KLRF2: variants seen among roughly 807,000 people sequenced by gnomAD.
The protein encoded by KLRF2 is killer cell lectin like receptor F2.
In KLRF2, 28 loss-of-function variants were observed where a neutral mutation model predicts 25.3. The ratio of observed to expected loss-of-function variants is 1.11; its 90% CI spans 0.82 to 1.52. The LOEUF is 1.52. Among genes scored for constraint, KLRF2 ranks in the 40% most tolerant of loss-of-function variants. The pLI is 0.00. For missense variants in KLRF2, 265 were observed against 245.8 expected (o/e 1.08, Z -0.52); for synonymous variants, 73 against 85.0 (o/e 0.86, Z 0.78).
At chr12:9,889,165 C>T (rs1296789257) in intron 3 of KLRF2, among the ~76,000 whole-genome samples, 1 of 152,092 alleles carries the variant, frequency 6.6e-6, no homozygotes, top group East Asian at 1.9e-4. Flanking sequence ...AGATTTCAGC[C>T]AACTGTTCAC....
At chr12:9,882,789 CA>C (rs5796371) in intron 1 of KLRF2, among the ~76,000 whole-genome samples, 91,070 of 151,250 alleles carry the variant, frequency 0.6, 28,757 homozygotes, top group Non-Finnish European at 0.7. Flanking sequence ...TATAAAAAAA[CA>C]AAAAAAATTA....
intron 2 of KLRF2, 96 bp downstream of exon 2, chr12:9,885,128 C>T: frequency 5.2e-6 from 2 of 385,382 alleles, no homozygotes; most frequent in Non-Finnish European, 9.0e-6. Context: ...CACTGTAGTC[C>T]AAAACTGGCA....
intron 5 of KLRF2, among the ~76,000 whole-genome samples, chr12:9,894,253 C>G (rs1862728371): frequency 6.6e-6 from 1 of 150,972 alleles, no homozygotes; most frequent in South Asian, 2.1e-4. Context: ...ATGATCGTGG[C>G]TTACTGCAGA....
chr12:9,894,463 T>G lies in KLRF2; in HGVS notation c.479+922T>G, dbSNP rs574762632. On this transcript the variant is annotated intron_variant, in intron 5 of 5. Transcript: ENST00000535540. ...TCCCAAACTGCTGAGATTACAGGTG[T>G]GAGCCACCACTCCCAGCCTGATACC... Among the ~76,000 whole-genome samples, 7 of 152,258 alleles carry G rather than the reference T, an allele frequency of 4.6e-5. No homozygotes were observed. The South Asian group carries it at 1.4e-3, about 32-fold the overall frequency.
At chr12:9,892,212 A>G (rs1862684529) in intron 3 of KLRF2, among the ~76,000 whole-genome samples, 1 of 152,036 alleles carries the variant, frequency 6.6e-6, no homozygotes. Flanking sequence ...TGTATATTAA[A>G]GAAAAAGTTA....
intron 4 of KLRF2, 78 bp from the exon 5 acceptor site, chr12:9,893,351 G>T: frequency 1.2e-6 from 1 of 814,800 alleles, no homozygotes; most frequent in Non-Finnish European, 1.9e-6. Context: ...ATTAATGCCG[G>T]CACAGAGACT....
In KLRF2 at chr12:9,895,723, T is replaced by C. The variant is rs1469402054; in HGVS notation, c.514T>C (p.Cys172Arg). ...GATTGGACCAACTGATGACAGGAGC[T>C]GTGCCGTTATCACAGGAAACTGGGT... is the stretch of plus-strand genomic sequence containing the variant. ...SVIGPTDDRS[C>R]AVITGNWVYS... is the part of the protein sequence containing the mutation. The change falls in exon 6 of 6, where the codon TGT becomes CGT. Residue 172 changes from cysteine (C) to arginine (R), a missense_variant. Coordinates refer to ENST00000535540, the MANE Select transcript of KLRF2 (RefSeq NM_001190765.1). 6.5e-7 allele frequency: 1 copy of C among 1,535,592 alleles called. No homozygotes were observed. The highest frequency in any genetic ancestry group is 8.7e-7 in the Non-Finnish European group (1 of 1,146,686).
intron 2 of KLRF2, among the ~76,000 whole-genome samples, chr12:9,888,360 C>T (rs746841656): frequency 1.3e-5 from 2 of 151,522 alleles, no homozygotes; most frequent in African/African-American, 2.4e-5. Flanking sequence ...CATGGTGGTG[C>T]GCGCCTGTAG....
intron 2 of KLRF2, among the ~76,000 whole-genome samples, chr12:9,888,260 G>A (rs1862625013): frequency 6.6e-6 from 1 of 151,886 alleles, no homozygotes; most frequent in South Asian, 2.1e-4. Context: ...GGAAGCCGAG[G>A]CGGGCGGATC....
chr12:9,881,592 AGAGATG>A lies in KLRF2; in HGVS notation c.2_7del (p.MetGlu1_?2). The A allele has an allele frequency of 6.6e-7, 1 of 1,526,422 alleles. No homozygotes were observed. Among genetic ancestry groups the A allele is most frequent in the South Asian group, 1.2e-5 (1 of 83,772 alleles). 94.6% of individuals were successfully genotyped at this position (1,526,422 alleles called of 1,614,324 possible). Reference sequence around the variant, plus strand: ...GGATAATAAGACATTAGACATTTGAAGAGATGGAGAATGAAGATGGGTATATGACGC... The same window carrying A: ...GGATAATAAGACATTAGACATTTGAAGAGAATGAAGATGGGTATATGACGC... On this transcript the variant is annotated start_lost and 5_prime_UTR_variant, in exon 1 of 6. Transcript: ENST00000535540.
chr12:9,881,744 A>T, intron 1 of KLRF2, 79 bp downstream of exon 1: 1 of 981,644 alleles, frequency 1.0e-6, no homozygotes, highest in Non-Finnish European at 1.5e-6. Context: ...AATATTTTTA[A>T]CATCTTAACA....
chr12:9,893,540 T>C lies in KLRF2; in HGVS notation c.478T>C (p.Leu160=). Residue 160 remains leucine (L), a splice_region_variant and synonymous_variant, in exon 5 of 6, where the codon TTG becomes CTG. Transcript: ENST00000535540. ...AGATGAACACTTTTTAGTTCCAGAATTGTGAGTAGTTATTTGTAAGGGAGG... is the reference window on the plus strand; with the variant it reads ...AGATGAACACTTTTTAGTTCCAGAACTGTGAGTAGTTATTTGTAAGGGAGG... The part of the protein sequence containing the change: ...WIDEHFLVPE[L]FSVIGPTDDR... 7.5e-7 allele frequency: 1 copy of C among 1,337,746 alleles called. No homozygotes were observed. Among genetic ancestry groups the C allele is most frequent in the South Asian group, 1.3e-5 (1 of 75,136 alleles). 82.9% of individuals were successfully genotyped at this position (1,337,746 alleles called of 1,614,324 possible).
intron 2 of KLRF2, among the ~76,000 whole-genome samples, chr12:9,885,708 C>T (rs920388701): frequency 6.6e-6 from 1 of 151,946 alleles, no homozygotes; most frequent in East Asian, 1.9e-4. Flanking sequence ...TCAGACTTTT[C>T]TCAGACCAAA....
chr12:9,884,975 T>G lies in KLRF2; in HGVS notation c.112T>G (p.Phe38Val). The G allele has an allele frequency of 7.4e-7, 1 of 1,350,104 alleles. No homozygotes were observed. The highest frequency in any genetic ancestry group is 9.6e-7 in the Non-Finnish European group (1 of 1,044,532). The allele number at this position is 1,350,104 out of a possible 1,614,324, so 83.6% of individuals were successfully genotyped here. Reference protein sequence around the residue: ...YPQYYCLLLIFGCIVILIFIM... With the variant: ...YPQYYCLLLIVGCIVILIFIM... Reference sequence around the variant, plus strand: ...ACAATATTATTGTCTTCTGCTCATATTTGGATGCATTGTGATCCTTATATT... The same window carrying G: ...ACAATATTATTGTCTTCTGCTCATAGTTGGATGCATTGTGATCCTTATATT... Residue 38 changes from phenylalanine (F) to valine (V), a missense_variant, in exon 2 of 6, where the codon TTT becomes GTT. Transcript: ENST00000535540.
chr12:9,882,260 G>T (rs984135720), intron 1 of KLRF2, among the ~76,000 whole-genome samples: 1 of 152,140 alleles, frequency 6.6e-6, no homozygotes, highest in African/African-American at 2.4e-5. Context: ...ATTACCAGTC[G>T]CAGTGGCAGT....
chr12:9,888,676 C>A, intron 2 of KLRF2, 57 bp from the exon 3 acceptor site: 2 of 979,512 alleles, frequency 2.0e-6, no homozygotes, highest in South Asian at 1.4e-5. Context: ...TCTCATGTAC[C>A]TAGATTGCTA....
intron 5 of KLRF2, among the ~76,000 whole-genome samples, chr12:9,894,284 C>A (rs1862728610): frequency 6.6e-6 from 1 of 151,748 alleles, no homozygotes; most frequent in East Asian, 1.9e-4. Flanking sequence ...TGGGCTCAAG[C>A]AACTCTCCCA....
At chr12:9,888,951 G>T (rs538987943) in intron 3 of KLRF2, among the ~76,000 whole-genome samples, 171 bp downstream of exon 3, 1 of 152,136 alleles carries the variant, frequency 6.6e-6, no homozygotes, top group African/African-American at 2.4e-5. Context: ...GTATCAAATG[G>T]TTGAAAGGCA....
Position 9,888,796 on chromosome 12 carries a change from T to G in KLRF2, c.217+16T>G, listed in dbSNP as rs1862637599. 1.4e-6 allele frequency: 2 copies of G among 1,460,396 alleles called. No homozygotes were observed. The highest frequency in any genetic ancestry group is 1.9e-6 in the Non-Finnish European group (2 of 1,078,558). The allele number at this position is 1,460,396 out of a possible 1,614,324, so 90.5% of individuals were successfully genotyped here. A position where few individuals can be genotyped will look rare whatever the true frequency, so the allele number is the denominator to read the frequency against. On this transcript the variant is annotated intron_variant, in intron 3 of 5. Coordinates refer to ENST00000535540, the MANE Select transcript of KLRF2 (RefSeq NM_001190765.1). Reference sequence around the variant, plus strand: ...AGTCTATCAGGTAATACTCTTTTTGTTTGTTATGTGCTACTCTTAGGGGTA... The same window carrying G: ...AGTCTATCAGGTAATACTCTTTTTGGTTGTTATGTGCTACTCTTAGGGGTA...
Sources: allele counts gnomAD v4.1 joint callset (sites outside exome capture counted in the v4.1 genomes callset), GRCh38; gene constraint gnomAD v4.1.1; transcripts MANE v1.5; gene names NCBI Gene and HGNC (gene_info 2026-07-23, HGNC 2026-07-21).